PLA2G4E: variants seen among roughly 807,000 people sequenced by gnomAD.
PLA2G4E encodes cytosolic phospholipase A2 epsilon.
A neutral mutation model predicts 109.1 loss-of-function variants in PLA2G4E; 84 were observed. The observed-to-expected ratio is 0.77, with a 90% confidence interval of 0.65 to 0.92. The LOEUF is 0.92. Among genes scored for constraint, PLA2G4E ranks in the 40% least tolerant of loss-of-function variants. The probability of loss-of-function intolerance (pLI) is 0.00; values close to 1 mark genes in which losing one functional copy is unlikely to be tolerated. For synonymous variants in PLA2G4E, 469 were observed against 436.1 expected (o/e 1.08, Z -0.94); for missense variants, 1,057 against 1,076.6 (o/e 0.98, Z 0.25).
intron 14 of PLA2G4E, among the ~76,000 whole-genome samples, chr15:41,989,761 A>G (rs921657160): frequency 7.2e-5 from 11 of 152,194 alleles, no homozygotes; most frequent in African/African-American, 2.4e-4. Flanking sequence ...TGCAAGGAGG[A>G]TGGCTCATTT....
At chr15:42,049,886 C>T (rs1889478564) in intron 1 of PLA2G4E, among the ~76,000 whole-genome samples, 1 of 152,208 alleles carries the variant, frequency 6.6e-6, no homozygotes, top group East Asian at 1.9e-4. Flanking sequence ...ACGAGGCAGA[C>T]CTGGATCACC....
intron 1 of PLA2G4E, among the ~76,000 whole-genome samples, chr15:42,025,318 C>G (rs1007239436): frequency 2.0e-5 from 3 of 152,148 alleles, no homozygotes; most frequent in Non-Finnish European, 4.4e-5. Flanking sequence ...GGGCTTCTGG[C>G]CAAGTTAGGT....
At position 41,997,122 on chromosome 15, in the gene PLA2G4E, A is replaced by AC; in HGVS notation, c.1110+1dup. ...AGGCTGGCCACATCCCTGATTACCC[A>AC]CCTCGTCCTCCTGCAGGTCTTCCTC... On this transcript the variant is annotated splice_donor_variant, in intron 11 of 19. Coordinates refer to ENST00000399518, the Ensembl canonical transcript of PLA2G4E. LOFTEE classifies it high-confidence loss of function. 1 of 1,563,132 alleles carries AC rather than the reference A, an allele frequency of 6.4e-7. No homozygotes were observed. Among genetic ancestry groups the AC allele is most frequent in the Non-Finnish European group, 8.7e-7 (1 of 1,153,976 alleles).
At chr15:41,988,226 C>T (rs2068181059) in intron 15 of PLA2G4E, 70 bp from the exon 16 acceptor site, 3 of 1,121,584 alleles carry the variant, frequency 2.7e-6, no homozygotes, top group Non-Finnish European at 3.8e-6. Flanking sequence ...TTTGATTCCC[C>T]ACTCCCCCCA....
intron 1 of PLA2G4E, among the ~76,000 whole-genome samples, chr15:42,042,952 C>A (rs1050648238): frequency 6.6e-6 from 1 of 152,174 alleles, no homozygotes; most frequent in African/African-American, 2.4e-5. Flanking sequence ...TGATATTGTG[C>A]CTGACCTGAT....
At chr15:42,011,487 C>T (rs72726081) in intron 2 of PLA2G4E, among the ~76,000 whole-genome samples, 18,638 of 152,266 alleles carry the variant, frequency 0.12, 1,379 homozygotes, top group South Asian at 0.3. Context: ...TTTTGGGAGA[C>T]TGAGACAGAG....
intron 6 of PLA2G4E, 39 bp downstream of exon 6, chr15:42,002,615 G>A (rs765900335): frequency 2.4e-5 from 38 of 1,552,340 alleles, no homozygotes; most frequent in Middle Eastern, 1.7e-4. Context: ...GCAGCCAGCC[G>A]TGGCCTCTGG....
chr15:41,995,222 C>A, intron 12 of PLA2G4E, 138 bp downstream of exon 12: 1 of 1,156,302 alleles, frequency 8.6e-7, no homozygotes, highest in South Asian at 1.5e-5. Context: ...AAGGCCACAC[C>A]ACTGCATGTG....
At chr15:41,992,891 G>C in exon 13 of PLA2G4E, 4 of 1,614,020 alleles carry the variant, frequency 2.5e-6, no homozygotes, top group Non-Finnish European at 3.4e-6. Flanking sequence ...ATGTCTCCGA[G>C]CCTCAAAGAT....
At chr15:42,025,676 T>C (rs1004725210) in intron 1 of PLA2G4E, among the ~76,000 whole-genome samples, 7 of 152,228 alleles carry the variant, frequency 4.6e-5, no homozygotes, top group Admixed American at 4.6e-4. Context: ...TTTTACTGCC[T>C]GCTCTTTCTG....
intron 5 of PLA2G4E, among the ~76,000 whole-genome samples, chr15:42,004,582 C>A (rs79947348): frequency 0.076 from 11,593 of 152,190 alleles, 881 homozygotes; most frequent in East Asian, 0.21. Context: ...GGGCTCTGAC[C>A]TCTTTCTCAG....
At chr15:42,014,345 A>G (rs998942216) in intron 1 of PLA2G4E, among the ~76,000 whole-genome samples, 1 of 152,220 alleles carries the variant, frequency 6.6e-6, no homozygotes, top group African/African-American at 2.4e-5. Flanking sequence ...GTGCTAATAC[A>G]TGTTCATTAA....
chr15:42,027,681 C>T (rs936872013), intron 1 of PLA2G4E, among the ~76,000 whole-genome samples: 32 of 152,300 alleles, frequency 2.1e-4, no homozygotes, highest in African/African-American at 2.9e-4. Context: ...TCTGTGTGGT[C>T]GGGCTGCTCA....
intron 3 of PLA2G4E, chr15:42,006,347 C>G (rs1015551565): frequency 6.4e-5 from 27 of 420,304 alleles, no homozygotes; most frequent in African/African-American, 4.6e-4. Flanking sequence ...GCCTTCTGTT[C>G]TCACTTTCCT....
chr15:41,990,068 C>G lies in PLA2G4E; in HGVS notation c.1585+53G>C, dbSNP rs75034749. 3,515 of 1,492,738 alleles carry G rather than the reference C, an allele frequency of 2.4e-3. 71 individuals carry two copies. In the East Asian group the frequency reaches 0.033, roughly 14 times the overall value. The allele number at this position is 1,492,738 out of a possible 1,614,324, so 92.5% of individuals were successfully genotyped here. On this transcript the variant is annotated intron_variant, in intron 14 of 19. Coordinates refer to ENST00000399518, the Ensembl canonical transcript of PLA2G4E. ...TGGAGGTGCTGGGTGCTTTTGCCCACCAAGAAGTCCCCCCCTCCACCCCAC... is the reference window on the plus strand; with the variant it reads ...TGGAGGTGCTGGGTGCTTTTGCCCAGCAAGAAGTCCCCCCCTCCACCCCAC...
chr15:42,013,369 AAGAG>A (rs552657653), intron 2 of PLA2G4E, among the ~76,000 whole-genome samples: 40 of 152,274 alleles, frequency 2.6e-4, no homozygotes, highest in Non-Finnish European at 4.4e-4. Context: ...CGATTCCAGG[AAGAG>A]AGAGTGGGGA....
At chr15:42,039,425 T>C (rs1354309387) in intron 1 of PLA2G4E, among the ~76,000 whole-genome samples, 1 of 152,178 alleles carries the variant, frequency 6.6e-6, no homozygotes, top group East Asian at 1.9e-4. Context: ...GGAAAAATAC[T>C]TTTGTTAATG....
At chr15:42,033,609 T>C (rs564269237) in intron 1 of PLA2G4E, among the ~76,000 whole-genome samples, 1 of 151,944 alleles carries the variant, frequency 6.6e-6, no homozygotes, top group South Asian at 2.1e-4. Flanking sequence ...GCAGGTCCTT[T>C]GGGGTGACTC....
chr15:42,017,563 G>C (rs536767443), intron 1 of PLA2G4E, among the ~76,000 whole-genome samples: 4 of 152,324 alleles, frequency 2.6e-5, no homozygotes, highest in African/African-American at 7.2e-5. Flanking sequence ...AGGGCTCACA[G>C]CTAGAATCAG....
Sources: allele counts gnomAD v4.1 joint callset (sites outside exome capture counted in the v4.1 genomes callset), GRCh38; gene constraint gnomAD v4.1.1; transcripts MANE v1.5; gene names NCBI Gene and HGNC (gene_info 2026-07-23, HGNC 2026-07-21).